Variants in HMCN2 observed in about 807,000 individuals in gnomAD.
HMCN2 encodes the protein hemicentin-2.
HMCN2 carries 325 observed loss-of-function variants against 377.5 expected under a neutral mutation model. The observed-to-expected ratio is 0.86, with a 90% CI of 0.79 to 0.94. HMCN2 has a LOEUF of 0.94. Ranked by LOEUF, HMCN2 falls within the 40% of genes least tolerant of loss-of-function variation. The probability of loss-of-function intolerance (pLI) is 0.00; values close to 1 mark genes in which losing one functional copy is unlikely to be tolerated. For synonymous variants in HMCN2, 2,007 were observed against 2,046.8 expected (o/e 0.98, Z 0.53); for missense variants, 4,543 against 4,725.3 (o/e 0.96, Z 1.13).
intron 1 of HMCN2, among the ~76,000 whole-genome samples, chr9:130,273,021 T>C (rs1834484509): frequency 6.6e-6 from 1 of 152,218 alleles, no homozygotes; most frequent in Non-Finnish European, 1.5e-5. Context: ...GTTATCATTT[T>C]CAAAAAACTC....
chr9:130,323,785 C>G (rs907305115), intron 19 of HMCN2, among the ~76,000 whole-genome samples: 3 of 152,156 alleles, frequency 2.0e-5, no homozygotes, highest in East Asian at 3.9e-4. Flanking sequence ...TCACTGCCAC[C>G]TCCACTTCCC....
chr9:130,329,972 C>T (rs933560812), intron 22 of HMCN2, among the ~76,000 whole-genome samples: 10 of 151,610 alleles, frequency 6.6e-5, no homozygotes, highest in Non-Finnish European at 1.0e-4. Context: ...CCTCCCCTCC[C>T]CCCCTTCCCT....
chr9:130,425,119 C>A lies in HMCN2; in HGVS notation c.13630C>A (p.Leu4544Ile). The change falls in exon 89 of 98, where the codon CTT (leucine) becomes ATT (isoleucine). Residue 4544 changes from leucine to isoleucine, a missense_variant. Around this residue, in one of 5 missense-constraint regions of HMCN2, gnomAD observed 1,155 missense variants for 1,157.7 expected, o/e 1.00. Coordinates refer to ENST00000683500, the MANE Select transcript of HMCN2 (RefSeq NM_001291815.2). ...VVPESLADAD[L>I]QVQDFEEHYV... ...CCCCGAGAGCCTGGCTGACGCAGAT[C>A]TTCAAGTGCAGGTCGGGGGTCAAGC... 1.3e-6 allele frequency: 2 copies of A among 1,549,024 alleles called. No individual in the cohort carries two copies. Among genetic ancestry groups the A allele is most frequent in the Non-Finnish European group, 8.7e-7 (1 of 1,146,344 alleles).
chr9:130,275,305 G>A (rs1207518600), intron 1 of HMCN2, among the ~76,000 whole-genome samples: 3 of 152,206 alleles, frequency 2.0e-5, no homozygotes, highest in Admixed American at 2.0e-4. Context: ...CCGGTCAGAG[G>A]TGAGGATGCA....
rs528205987 is a variant in HMCN2, at chr9:130,309,952, T to G, written c.2241T>G (p.Ser747=). The G allele has an allele frequency of 1.9e-6, 1 of 527,280 alleles. No individual in the cohort carries two copies. Among genetic ancestry groups the G allele is most frequent in the Non-Finnish European group, 3.9e-6 (1 of 256,650 alleles). 32.7% of individuals were successfully genotyped at this position (527,280 alleles called of 1,614,324 possible). Residue 747 remains serine (S), a synonymous_variant, in exon 15 of 98, where the codon TCT becomes TCG. Transcript: ENST00000683500. The stretch of plus-strand genomic sequence containing the variant: ...TCCTGGCCCCTGAGGGCTCCAGCTC[T>G]GGGAAGCTGCGGATCCCGGCGGCTC... ...EMILAPEGSS[S]GKLRIPAAQE...
intron 95 of HMCN2, chr9:130,431,095 A>T: frequency 1.8e-6 from 1 of 542,916 alleles, no homozygotes; most frequent in Non-Finnish European, 3.3e-6. Flanking sequence ...ATGCCTCGGC[A>T]TTCCCGCCTG....
chr9:130,288,831 T>C (rs947510), intron 4 of HMCN2, among the ~76,000 whole-genome samples: 121,977 of 152,218 alleles, frequency 0.8, 49,449 homozygotes, highest in African/African-American at 0.93. Context: ...TGCAGGGTAA[T>C]TAAAGGAAGG....
intron 28 of HMCN2, 74 bp from the exon 29 acceptor site, chr9:130,349,459 CACAG>C: frequency 7.9e-6 from 10 of 1,264,100 alleles, no homozygotes; most frequent in Non-Finnish European, 9.3e-6. Context: ...GGGGGGTCTG[CACAG>C]ACAAAGGCCC....
chr9:130,306,059 G>A, intron 11 of HMCN2, 70 bp from the exon 12 acceptor site: 1 of 453,594 alleles, frequency 2.2e-6, no homozygotes, highest in South Asian at 1.6e-5. Context: ...AAGAGCCCGG[G>A]GCGGGGTGCC....
chr9:130,404,419 G>C (rs1049787983), intron 80 of HMCN2, among the ~76,000 whole-genome samples: 4 of 152,106 alleles, frequency 2.6e-5, no homozygotes, highest in Admixed American at 2.6e-4. Flanking sequence ...CTCTCCCCTG[G>C]GACCTGTAGC....
At chr9:130,406,482 C>T (rs1218519843) in intron 82 of HMCN2, 4 of 288,706 alleles carry the variant, frequency 1.4e-5, no homozygotes, top group South Asian at 3.4e-5. Context: ...TCAGCAAACC[C>T]CTTTTGCTGG....
rs145783637 is a variant in HMCN2 at position 130,414,613 on chromosome 9, C to CT, written c.12961+3977dup. Among the ~76,000 whole-genome samples, 7,135 of 140,730 alleles carry CT rather than the reference C, an allele frequency of 0.051. 510 individuals carry two copies. The highest frequency in any genetic ancestry group is 0.16 in the African/African-American group (6,057 of 37,598). 92.3% of individuals were successfully genotyped at this position (140,730 alleles called of 152,430 possible). A position where few individuals can be genotyped will look rare whatever the true frequency, so the allele number is the denominator to read the frequency against. The stretch of plus-strand genomic sequence containing the variant: ...CAGATATCAGGTAATCTGATAAGGA[C>CT]TTTTTTTTTTTTTTTTAAGACAAGG... On this transcript the variant is annotated intron_variant, in intron 85 of 97. Transcript: ENST00000683500. The surrounding 1 kb of genome is among the most constrained non-coding windows in gnomAD (Gnocchi z 4.4).
chr9:130,376,909 T>A (rs992533733), intron 52 of HMCN2, among the ~76,000 whole-genome samples: 6 of 151,420 alleles, frequency 4.0e-5, no homozygotes, highest in Non-Finnish European at 5.9e-5. Flanking sequence ...CAATTCTCCC[T>A]GCCTCAGCCT....
At chr9:130,386,566 C>T (rs1345521849) in intron 61 of HMCN2, 42 bp downstream of exon 61, 1 of 1,241,164 alleles carries the variant, frequency 8.1e-7, no homozygotes, top group Non-Finnish European at 1.1e-6. Flanking sequence ...TGTGGAGCCC[C>T]TAGCAACACC....
intron 77 of HMCN2, among the ~76,000 whole-genome samples, chr9:130,401,554 C>T (rs1461277661): frequency 6.6e-6 from 1 of 152,150 alleles, no homozygotes; most frequent in Non-Finnish European, 1.5e-5. Flanking sequence ...AACTCCTGAC[C>T]TCAGGTGATC....
rs772168553 is a variant in HMCN2, at chr9:130,395,995, C to T, written c.10983C>T (p.Ser3661=). 1.9e-5 allele frequency: 24 copies of T among 1,287,590 alleles called. No individual in the cohort carries two copies. The East Asian group carries it at 3.3e-4, about 18-fold the overall frequency. 79.8% of individuals were successfully genotyped at this position (1,287,590 alleles called of 1,614,324 possible). A position where few individuals can be genotyped will look rare whatever the true frequency, so the allele number is the denominator to read the frequency against. Residue 3661 remains serine (S), a synonymous_variant, in exon 72 of 98, where the codon AGC becomes AGT. Transcript: ENST00000683500. ...LQLQALSTAD[S]GDYSCTARNA... ...TGCAGGCCCTGAGCACGGCTGACAGCGGCGACTACAGCTGCACAGCCCGCA... is the reference window on the plus strand; with the variant it reads ...TGCAGGCCCTGAGCACGGCTGACAGTGGCGACTACAGCTGCACAGCCCGCA...
intron 15 of HMCN2, among the ~76,000 whole-genome samples, chr9:130,312,064 G>A (rs1837273710): frequency 6.6e-6 from 1 of 152,212 alleles, no homozygotes; most frequent in African/African-American, 2.4e-5. Flanking sequence ...AACCCTTGGA[G>A]ATGGAACGAT....
At chr9:130,395,762 TA>T (rs1842577600) in intron 71 of HMCN2, among the ~76,000 whole-genome samples, 161 bp from the exon 72 acceptor site, 1 of 152,126 alleles carries the variant, frequency 6.6e-6, no homozygotes, top group Admixed American at 6.5e-5. Flanking sequence ...TGCATTTCCT[TA>T]GAGGGTCCTC....
intron 1 of HMCN2, among the ~76,000 whole-genome samples, chr9:130,273,156 T>A (rs1834494739): frequency 1.3e-5 from 2 of 150,772 alleles, no homozygotes; most frequent in African/African-American, 2.4e-5. Context: ...CTTTTTTTTT[T>A]AAAGATTATT....
Sources: allele counts gnomAD v4.1 joint callset (sites outside exome capture counted in the v4.1 genomes callset), GRCh38; gene constraint gnomAD v4.1.1; regional missense constraint gnomAD v4.1.1; non-coding constraint Gnocchi (gnomAD v3.1); transcripts MANE v1.5; gene names NCBI Gene and HGNC (gene_info 2026-07-23, HGNC 2026-07-21).